EPHA5: variants seen among roughly 807,000 people sequenced by gnomAD.
EPHA5 encodes EPH receptor A5.
A neutral mutation model predicts 105.0 loss-of-function variants in EPHA5; 60 were observed. The ratio of observed to expected loss-of-function variants is 0.57; its 90% CI spans 0.46 to 0.71. The LOEUF (loss-of-function observed/expected upper bound fraction) is 0.71, where lower values mean the gene tolerates loss of function less well. Ranked by LOEUF, EPHA5 falls within the 30% of genes least tolerant of loss-of-function variation. EPHA5 has a pLI of 0.00. For missense variants in EPHA5, 1,218 were observed against 1,274.7 expected (o/e 0.96, Z 0.68); for synonymous variants, 513 against 449.1 (o/e 1.14, Z -1.80).
intron 8 of EPHA5, among the ~76,000 whole-genome samples, chr4:65,402,067 T>C (rs1481635890): frequency 6.6e-6 from 1 of 152,116 alleles, no homozygotes; most frequent in African/African-American, 2.4e-5. Context: ...GTTTTCCACA[T>C]GCTGTTCTCA....
chr4:65,414,200 G>A lies in EPHA5; in HGVS notation c.1687+84C>T, dbSNP rs371589900. The stretch of plus-strand genomic sequence containing the variant: ...AGAGAGGGAGAGTGAGACTGACAGA[G>A]TGCCCAGGGAGGGTATTGATCCACT... On this transcript the variant is annotated intron_variant, in intron 7 of 16. Coordinates refer to ENST00000613740, the MANE Select transcript of EPHA5 (RefSeq NM_001281766.3). The A allele has an allele frequency of 1.6e-5, 19 of 1,189,338 alleles. No homozygotes were observed. The African/African-American group carries it at 2.9e-4, about 18-fold the overall frequency. 73.7% of individuals were successfully genotyped at this position (1,189,338 alleles called of 1,614,324 possible).
At chr4:65,395,667 A>G (rs1252266399) in intron 8 of EPHA5, among the ~76,000 whole-genome samples, 2 of 152,206 alleles carry the variant, frequency 1.3e-5, no homozygotes, top group Non-Finnish European at 2.9e-5. Flanking sequence ...ATAGAACATA[A>G]GGAGAAATAG....
chr4:65,565,192 C>A (rs1739407567), intron 3 of EPHA5, among the ~76,000 whole-genome samples: 1 of 151,538 alleles, frequency 6.6e-6, no homozygotes, highest in South Asian at 2.1e-4. Context: ...CCAACTTTTC[C>A]AGGAAATAAG....
chr4:65,327,543 A>G (rs960930604), intron 16 of EPHA5, among the ~76,000 whole-genome samples: 3 of 151,248 alleles, frequency 2.0e-5, no homozygotes, highest in African/African-American at 7.3e-5. Context: ...AATCTGACCT[A>G]TCATTTCAAA....
chr4:65,487,507 G>A (rs1381557429), intron 5 of EPHA5, among the ~76,000 whole-genome samples: 1 of 152,084 alleles, frequency 6.6e-6, no homozygotes, highest in Non-Finnish European at 1.5e-5. Flanking sequence ...GGCTCCCATG[G>A]CTAACATTAT....
chr4:65,555,726 T>A (rs1738371137), intron 3 of EPHA5, among the ~76,000 whole-genome samples: 1 of 146,590 alleles, frequency 6.8e-6, no homozygotes, highest in Non-Finnish European at 1.5e-5. Flanking sequence ...TTAGTGTGAA[T>A]TTTTATGTTA....
chr4:65,458,111 T>A (rs1009242115), intron 5 of EPHA5, among the ~76,000 whole-genome samples: 12 of 150,522 alleles, frequency 8.0e-5, no homozygotes, highest in African/African-American at 2.7e-4. Context: ...GTACCTTTTT[T>A]GAAGGAAGTT....
chr4:65,574,410 A>G (rs1489013675), intron 3 of EPHA5: 4 of 552,698 alleles, frequency 7.2e-6, no homozygotes, highest in Non-Finnish European at 1.1e-5. Context: ...AAAATACTCA[A>G]ATAACTCAAA....
chr4:65,356,042 C>T (rs908798640), intron 11 of EPHA5, among the ~76,000 whole-genome samples: 5 of 151,426 alleles, frequency 3.3e-5, no homozygotes, highest in Non-Finnish European at 7.4e-5. Flanking sequence ...TTCCAGCAAA[C>T]ATCTAGAGAA....
At position 65,625,932 on chromosome 4, in the gene EPHA5, T is replaced by C. The variant is rs1384715869; in HGVS notation, c.246+17431A>G. On this transcript the variant is annotated intron_variant, in intron 2 of 16. Coordinates refer to ENST00000613740, the MANE Select transcript of EPHA5 (RefSeq NM_001281766.3). The stretch of plus-strand genomic sequence containing the variant: ...CGAGACCACGGTGAAACCCCGTCTC[T>C]ACTAAAAATACAAAAAAATTATCCG... Among the ~76,000 whole-genome samples, 24 of 152,008 alleles carry C rather than the reference T, an allele frequency of 1.6e-4. 1 individual carries two copies. The highest frequency in any genetic ancestry group is 1.6e-3 in the Admixed American group (24 of 15,250).
rs530378394 is a variant in EPHA5 at position 65,432,551 on chromosome 4, T to G, written c.1403-11986A>C. Reference sequence around the variant, plus strand: ...TTTCGTTGTTCTGTTTTGTTTATGTTTTTGTTCATGTTTTTGGTTTTGTTT... The same window carrying G: ...TTTCGTTGTTCTGTTTTGTTTATGTGTTTGTTCATGTTTTTGGTTTTGTTT... On this transcript the variant is annotated intron_variant, in intron 5 of 16. Transcript: ENST00000613740. Among the ~76,000 whole-genome samples the G allele has an allele frequency of 1.6e-4, 24 of 152,090 alleles. No individual in the cohort carries two copies. In the South Asian group the frequency reaches 5.0e-3, roughly 32 times the overall value.
chr4:65,372,412 T>C (rs1718566107), intron 8 of EPHA5, among the ~76,000 whole-genome samples: 1 of 151,880 alleles, frequency 6.6e-6, no homozygotes, highest in Non-Finnish European at 1.5e-5. Context: ...ACATGAATAG[T>C]ACTAAAATGG....
intron 3 of EPHA5, among the ~76,000 whole-genome samples, chr4:65,535,863 A>T (rs1454432912): frequency 6.6e-6 from 1 of 152,004 alleles, no homozygotes; most frequent in Non-Finnish European, 1.5e-5. Flanking sequence ...TCTAATTAGA[A>T]ATAAGTCTAA....
chr4:65,543,018 A>T (rs1489271314), intron 3 of EPHA5, among the ~76,000 whole-genome samples: 1 of 152,122 alleles, frequency 6.6e-6, no homozygotes, highest in East Asian at 1.9e-4. Context: ...ATAAAATTTA[A>T]CATCCCTTCA....
At chr4:65,442,781 C>T (rs1726147048) in intron 5 of EPHA5, among the ~76,000 whole-genome samples, 1 of 152,128 alleles carries the variant, frequency 6.6e-6, no homozygotes, top group Non-Finnish European at 1.5e-5. Context: ...TTTTTGAAGA[C>T]ACTTTATGTT....
At chr4:65,634,903 G>C (rs551583833) in intron 2 of EPHA5, among the ~76,000 whole-genome samples, 3 of 152,000 alleles carry the variant, frequency 2.0e-5, no homozygotes, top group African/African-American at 7.2e-5. Flanking sequence ...CAAAATACGA[G>C]ATCAGCAGAG....
Position 65,582,850 on chromosome 4 carries a change from C to T in EPHA5, c.910+18791G>A, listed in dbSNP as rs1443220489. Among the ~76,000 whole-genome samples the T allele has an allele frequency of 3.3e-5, 5 of 151,678 alleles. 1 individual carries two copies. The East Asian group carries it at 9.6e-4, about 29-fold the overall frequency. On this transcript the variant is annotated intron_variant, in intron 3 of 16. Coordinates refer to ENST00000613740, the MANE Select transcript of EPHA5 (RefSeq NM_001281766.3). Reference sequence around the variant, plus strand: ...ATTGGAATTCTTGCTGGTTGGCTATCATTTGATTCTATAACTTAGAATTAC... The same window carrying T: ...ATTGGAATTCTTGCTGGTTGGCTATTATTTGATTCTATAACTTAGAATTAC...
chr4:65,401,475 C>A (rs769105994), intron 8 of EPHA5, among the ~76,000 whole-genome samples: 3 of 151,986 alleles, frequency 2.0e-5, no homozygotes, highest in Non-Finnish European at 4.4e-5. Context: ...TATCACATGA[C>A]AAATGTCCCC....
intron 3 of EPHA5, among the ~76,000 whole-genome samples, chr4:65,509,268 A>G (rs1032400249): frequency 6.6e-6 from 1 of 152,154 alleles, no homozygotes; most frequent in African/African-American, 2.4e-5. Context: ...AAAAGTTTCA[A>G]CCAGGTAAAC....
Sources: allele counts gnomAD v4.1 joint callset (sites outside exome capture counted in the v4.1 genomes callset), GRCh38; gene constraint gnomAD v4.1.1; transcripts MANE v1.5; gene names NCBI Gene and HGNC (gene_info 2026-07-23, HGNC 2026-07-21).